TMPRSS11F: variants seen among roughly 807,000 people sequenced by gnomAD.
TMPRSS11F encodes transmembrane serine protease 11F.
Under a neutral mutation model 60.2 loss-of-function variants are expected in TMPRSS11F, and 47 were observed. The ratio of observed to expected loss-of-function variants is 0.78; its 90% CI spans 0.62 to 1.00. TMPRSS11F has a LOEUF of 1.00. TMPRSS11F is among the 50% of genes least tolerant of loss of function. TMPRSS11F has a pLI of 0.00. For synonymous variants in TMPRSS11F, 166 were observed against 167.3 expected (o/e 0.99, Z 0.06); for missense variants, 519 against 522.9 (o/e 0.99, Z 0.07).
intron 9 of TMPRSS11F, among the ~76,000 whole-genome samples, chr4:68,058,358 A>G (rs999660444): frequency 2.0e-5 from 3 of 152,230 alleles, no homozygotes; most frequent in African/African-American, 7.2e-5. Context: ...ATGATTTATC[A>G]ATAAAAAATA....
chr4:68,127,469 C>T (rs1724736125), intron 1 of TMPRSS11F, among the ~76,000 whole-genome samples: 1 of 151,866 alleles, frequency 6.6e-6, no homozygotes, highest in Non-Finnish European at 1.5e-5. Context: ...GCAGAGGGCA[C>T]CAAATACAGG....
intron 2 of TMPRSS11F, among the ~76,000 whole-genome samples, chr4:68,094,855 G>C (rs1019962429): frequency 4.0e-5 from 5 of 124,364 alleles, no homozygotes; most frequent in African/African-American, 1.2e-4. Flanking sequence ...ACTCTATAAA[G>C]CATTTTTTTT....
chr4:68,057,657 C>CA (rs1327915801), intron 9 of TMPRSS11F, among the ~76,000 whole-genome samples: 3 of 151,698 alleles, frequency 2.0e-5, no homozygotes, highest in Admixed American at 6.6e-5. Flanking sequence ...AACACAATAG[C>CA]AAAAAACAAA....
At chr4:68,098,242 T>C (rs551500823) in intron 2 of TMPRSS11F, among the ~76,000 whole-genome samples, 137 of 151,940 alleles carry the variant, frequency 9.0e-4, no homozygotes, top group African/African-American at 3.2e-3. Context: ...GAAGTGGAGG[T>C]TGCAATGAGC....
At chr4:68,125,391 T>C (rs981872648) in intron 1 of TMPRSS11F, among the ~76,000 whole-genome samples, 1 of 152,128 alleles carries the variant, frequency 6.6e-6, no homozygotes, top group African/African-American at 2.4e-5. Flanking sequence ...TAATACATTT[T>C]AAATAATGGC....
At chr4:68,076,545 C>T (rs1723587710) in intron 3 of TMPRSS11F, among the ~76,000 whole-genome samples, 1 of 152,130 alleles carries the variant, frequency 6.6e-6, no homozygotes, top group African/African-American at 2.4e-5. Flanking sequence ...TCTTTGTACC[C>T]TTTTAGACTA....
At chr4:68,077,359 C>T (rs553151797) in intron 3 of TMPRSS11F, 2 of 152,360 alleles carry the variant, frequency 1.3e-5, no homozygotes, top group South Asian at 4.1e-4. Flanking sequence ...CCACAGTCTA[C>T]AAGCAAGAGT....
intron 1 of TMPRSS11F, among the ~76,000 whole-genome samples, chr4:68,127,993 A>G (rs1215706513): frequency 6.6e-6 from 1 of 152,126 alleles, no homozygotes; most frequent in East Asian, 1.9e-4. Flanking sequence ...CACATTTCAC[A>G]GATAAAAGTG....
chr4:68,074,068 T>A, intron 3 of TMPRSS11F, 59 bp from the exon 4 acceptor site: 1 of 1,106,474 alleles, frequency 9.0e-7, no homozygotes, highest in Non-Finnish European at 1.2e-6. Flanking sequence ...AAAAAAATAA[T>A]TTTTTAAAAG....
chr4:68,097,994 A>AC (rs947487357), intron 2 of TMPRSS11F, among the ~76,000 whole-genome samples: 1 of 152,096 alleles, frequency 6.6e-6, no homozygotes, highest in African/African-American at 2.4e-5. Flanking sequence ...TTTAAGTCTC[A>AC]ATCACCTGTG....
At chr4:68,092,637 C>T (rs539832766) in intron 2 of TMPRSS11F, among the ~76,000 whole-genome samples, 118 of 152,066 alleles carry the variant, frequency 7.8e-4, no homozygotes, top group Non-Finnish European at 1.5e-3. Flanking sequence ...TCAACTCTCA[C>T]ATATATTATC....
intron 7 of TMPRSS11F, 121 bp downstream of exon 7, chr4:68,068,497 G>T: frequency 1.3e-6 from 1 of 750,822 alleles, no homozygotes; most frequent in Non-Finnish European, 2.2e-6. Flanking sequence ...TTAGGGGACA[G>T]CTAGGTCTAC....
chr4:68,120,750 T>C (rs1724610949), intron 1 of TMPRSS11F, among the ~76,000 whole-genome samples: 2 of 151,598 alleles, frequency 1.3e-5, no homozygotes, highest in Non-Finnish European at 2.9e-5. Flanking sequence ...TTTAAGAAAT[T>C]GTCACAGCAC....
intron 1 of TMPRSS11F, among the ~76,000 whole-genome samples, chr4:68,106,142 C>A (rs957645146): frequency 2.6e-5 from 4 of 152,008 alleles, no homozygotes; most frequent in Non-Finnish European, 2.9e-5. Flanking sequence ...ATAAACAGAA[C>A]ACAGTACCTA....
At chr4:68,080,867 T>A (rs1723684647) in intron 3 of TMPRSS11F, 1 of 152,248 alleles carries the variant, frequency 6.6e-6, no homozygotes. Flanking sequence ...TCTATTTCAA[T>A]GTCTATTCTT....
chr4:68,124,355 T>A (rs1724676702), intron 1 of TMPRSS11F, among the ~76,000 whole-genome samples: 1 of 151,940 alleles, frequency 6.6e-6, no homozygotes, highest in South Asian at 2.1e-4. Flanking sequence ...ATACAAAAAT[T>A]TAGCTGTGCG....
At chr4:68,068,588 G>T (rs10004522) in intron 7 of TMPRSS11F, 30 bp downstream of exon 7, 4 of 1,597,948 alleles carry the variant, frequency 2.5e-6, no homozygotes, top group Non-Finnish European at 3.4e-6. Flanking sequence ...ACTGTGAAAA[G>T]AAGGCTCACA....
At chr4:68,085,999 G>A (rs1239810107) in intron 3 of TMPRSS11F, among the ~76,000 whole-genome samples, 1 of 151,988 alleles carries the variant, frequency 6.6e-6, no homozygotes, top group East Asian at 1.9e-4. Context: ...CAGAAATTGT[G>A]GACAAAAACT....
chr4:68,057,619 G>A (rs140137394), intron 9 of TMPRSS11F, among the ~76,000 whole-genome samples: 23 of 152,110 alleles, frequency 1.5e-4, no homozygotes, highest in African/African-American at 5.5e-4. Flanking sequence ...TTTGATAAGG[G>A]CTTATATCCA....
Sources: allele counts gnomAD v4.1 joint callset (sites outside exome capture counted in the v4.1 genomes callset), GRCh38; gene constraint gnomAD v4.1.1; transcripts MANE v1.5; gene names NCBI Gene and HGNC (gene_info 2026-07-23, HGNC 2026-07-21).